Variants in ENPP6 observed in about 807,000 individuals in gnomAD.
The protein encoded by ENPP6 is ectonucleotide pyrophosphatase/phosphodiesterase 6.
In ENPP6, 32 loss-of-function variants were observed where a neutral mutation model predicts 42.0. The ratio of observed to expected loss-of-function variants is 0.76; its 90% CI spans 0.58 to 1.02. ENPP6 has a LOEUF of 1.02. ENPP6 is among the 50% of genes least tolerant of loss of function. The pLI is 0.00. For synonymous variants in ENPP6, 213 were observed against 216.0 expected (o/e 0.99, Z 0.12); for missense variants, 552 against 566.8 (o/e 0.97, Z 0.27).
At chr4:184,134,970 G>A (rs1174319230) in intron 2 of ENPP6, among the ~76,000 whole-genome samples, 1 of 151,572 alleles carries the variant, frequency 6.6e-6, no homozygotes, top group Non-Finnish European at 1.5e-5. Context: ...TGAATCAGGA[G>A]TTATTTAGAG....
intron 6 of ENPP6, among the ~76,000 whole-genome samples, chr4:184,104,026 T>A (rs935274987): frequency 2.6e-5 from 4 of 151,728 alleles, no homozygotes; most frequent in Admixed American, 1.3e-4. Context: ...TCTTTTCTTT[T>A]TTTGAATCAC....
rs566955902 is a variant in ENPP6, at chr4:184,147,124, G to A, written c.421+6430C>T. Among the ~76,000 whole-genome samples, 4 of 152,258 alleles carry A rather than the reference G, an allele frequency of 2.6e-5. No individual in the cohort carries two copies. The East Asian group carries it at 5.8e-4, about 22-fold the overall frequency. ...GACTGCTTCTCTTTCAGCTCCACCC[G>A]ATTCAGTGAAGAATCACCATCTATG... On this transcript the variant is annotated intron_variant, in intron 2 of 7. Transcript: ENST00000296741.
At position 184,143,764 on chromosome 4, in the gene ENPP6, C is replaced by T. The variant is rs114526493; in HGVS notation, c.421+9790G>A. 4.7e-3 allele frequency among the ~76,000 whole-genome samples: 715 copies of T among 152,306 alleles called. 9 individuals are homozygous for T. Among genetic ancestry groups the T allele is most frequent in the African/African-American group, 0.015 (641 of 41,580 alleles). ...AGAGAGAGGCTAAGGGATTTCTGCG[C>T]GCCTCGCAGTGAGTGAGTGGCTGCA... On this transcript the variant is annotated intron_variant, in intron 2 of 7. Transcript: ENST00000296741.
rs1735747680 is a variant in ENPP6 at position 184,089,485 on chromosome 4, G to GTT, written c.*1691_*1692insAA. ...CTTTTTTTTTCTTTCTATTTTTTGG[G>GTT]GGGGGTGGAGGATGGGGTCTTGCTC... is the stretch of plus-strand genomic sequence containing the variant. On this transcript the variant is annotated 3_prime_UTR_variant, in exon 8 of 8. Transcript: ENST00000296741. 1.3e-5 allele frequency: 2 copies of GTT among 152,058 alleles called. No homozygotes were observed. Among genetic ancestry groups the GTT allele is most frequent in the African/African-American group, 2.4e-5 (1 of 41,240 alleles). 9.4% of individuals were successfully genotyped at this position (152,058 alleles called of 1,614,324 possible).
intron 1 of ENPP6, among the ~76,000 whole-genome samples, chr4:184,190,674 G>A (rs1026023293): frequency 2.6e-5 from 4 of 152,156 alleles, no homozygotes; most frequent in Admixed American, 6.5e-5. Context: ...GACACATTGA[G>A]TGGGATGTAG....
chr4:184,112,569 G>T, intron 6 of ENPP6, 103 bp downstream of exon 6: 1 of 1,406,614 alleles, frequency 7.1e-7, no homozygotes, highest in Non-Finnish European at 9.5e-7. Flanking sequence ...ATGCCTAAGT[G>T]AAAAAATCTT....
At chr4:184,208,357 A>T (rs1388842819) in intron 1 of ENPP6, among the ~76,000 whole-genome samples, 1 of 152,134 alleles carries the variant, frequency 6.6e-6, no homozygotes. Context: ...AGTGCCAGAC[A>T]GTGGGCGCAG....
chr4:184,147,815 A>AG (rs988572636), intron 2 of ENPP6, among the ~76,000 whole-genome samples: 10 of 150,388 alleles, frequency 6.6e-5, no homozygotes, highest in African/African-American at 2.2e-4. Flanking sequence ...AAAAAAAAAA[A>AG]GTATTCAGCT....
chr4:184,153,421 G>A, intron 2 of ENPP6, 133 bp downstream of exon 2: 3 of 1,069,676 alleles, frequency 2.8e-6, no homozygotes, highest in South Asian at 1.8e-5. Flanking sequence ...ACCGTGCCCA[G>A]CCAATACATA....
At chr4:184,119,176 A>G (rs1376530982) in intron 3 of ENPP6, among the ~76,000 whole-genome samples, 1 of 152,182 alleles carries the variant, frequency 6.6e-6, no homozygotes, top group South Asian at 2.1e-4. Context: ...CTTGTAGGAA[A>G]CTGATAAGAT....
At chr4:184,208,280 G>A (rs531169293) in intron 1 of ENPP6, among the ~76,000 whole-genome samples, 23 of 152,294 alleles carry the variant, frequency 1.5e-4, no homozygotes, top group South Asian at 1.0e-3. Flanking sequence ...AGCTCCCAGC[G>A]TGAGCGATGC....
chr4:184,155,630 A>G (rs967124502), intron 1 of ENPP6, among the ~76,000 whole-genome samples: 5 of 152,144 alleles, frequency 3.3e-5, no homozygotes, highest in African/African-American at 1.2e-4. Flanking sequence ...ATGCCGAGGG[A>G]GAGGGGTGGA....
chr4:184,109,952 C>T (rs1736172145), intron 6 of ENPP6, among the ~76,000 whole-genome samples: 1 of 152,066 alleles, frequency 6.6e-6, no homozygotes, highest in African/African-American at 2.4e-5. Context: ...GGAGCAGGTA[C>T]TTGGATCCAC....
intron 1 of ENPP6, among the ~76,000 whole-genome samples, chr4:184,196,164 C>T (rs1484251183): frequency 6.6e-6 from 1 of 152,246 alleles, no homozygotes; most frequent in Non-Finnish European, 1.5e-5. Flanking sequence ...ACCCACGAGG[C>T]CCTTCCTCCA....
chr4:184,109,321 C>A (rs1370171564), intron 6 of ENPP6, among the ~76,000 whole-genome samples: 1 of 152,136 alleles, frequency 6.6e-6, no homozygotes, highest in African/African-American at 2.4e-5. Flanking sequence ...AACTGGGATG[C>A]ACTTAATTCA....
intron 1 of ENPP6, among the ~76,000 whole-genome samples, chr4:184,178,884 A>G (rs1732494568): frequency 6.6e-6 from 1 of 152,216 alleles, no homozygotes; most frequent in South Asian, 2.1e-4. Flanking sequence ...AAGCACAAAT[A>G]TGGAAAGGAA....
intron 2 of ENPP6, among the ~76,000 whole-genome samples, chr4:184,126,855 G>A (rs1409264015): frequency 6.6e-6 from 1 of 152,158 alleles, no homozygotes. Context: ...CACCCTAGAG[G>A]AATGAAATAG....
At chr4:184,122,895 T>C (rs1378307133) in intron 3 of ENPP6, among the ~76,000 whole-genome samples, 1 of 152,238 alleles carries the variant, frequency 6.6e-6, no homozygotes, top group Non-Finnish European at 1.5e-5. Flanking sequence ...GCCCCACTCA[T>C]CTGCTACACG....
intron 2 of ENPP6, among the ~76,000 whole-genome samples, chr4:184,148,484 A>G (rs965986629): frequency 3.3e-5 from 5 of 152,250 alleles, no homozygotes; most frequent in East Asian, 1.9e-4. Flanking sequence ...CCAAAGAGGC[A>G]GCATCTCCTC....
Sources: gnomAD v4.1 joint callset for allele counts (sites outside exome capture counted in the v4.1 genomes callset) on GRCh38, gnomAD v4.1.1 for gene constraint, MANE v1.5 for transcripts, NCBI Gene and HGNC (gene_info 2026-07-23, HGNC 2026-07-21) for gene names.